Variants in MORN4 observed in about 807,000 individuals in gnomAD.
The protein encoded by MORN4 is MORN repeat-containing protein 4.
MORN4 carries 8 observed loss-of-function variants against 16.4 expected under a neutral mutation model. The ratio of observed to expected loss-of-function variants is 0.49; its 90% CI spans 0.29 to 0.88. The LOEUF is 0.88. Among genes scored for constraint, MORN4 ranks in the 40% least tolerant of loss-of-function variants. MORN4 has a pLI of 0.09. For missense variants in MORN4, 159 were observed against 182.9 expected (o/e 0.87, Z 0.75); for synonymous variants, 53 against 68.9 (o/e 0.77, Z 1.14).
chr10:97,627,153 T>G (rs2041355841), intron 1 of MORN4, among the ~76,000 whole-genome samples: 1 of 152,078 alleles, frequency 6.6e-6, no homozygotes, highest in African/African-American at 2.4e-5. Context: ...TTTTTTTGTT[T>G]TTTGTTTTTT....
chr10:97,624,973 G>A (rs929980912), intron 1 of MORN4, among the ~76,000 whole-genome samples: 5 of 152,150 alleles, frequency 3.3e-5, no homozygotes, highest in African/African-American at 7.2e-5. Flanking sequence ...GAATACAGGC[G>A]TGAGTCACCG....
chr10:97,630,091 A>AT lies in MORN4; in HGVS notation c.-31+3255dup, dbSNP rs1003110945. 1.9e-4 allele frequency among the ~76,000 whole-genome samples: 28 copies of AT among 150,676 alleles called. No homozygotes were observed. In the South Asian group the frequency reaches 2.7e-3, roughly 15 times the overall value. On this transcript the variant is annotated intron_variant, in intron 1 of 4. Coordinates refer to ENST00000307450, the MANE Select transcript of MORN4 (RefSeq NM_178832.4). ...AGGCGCCCGCCACCATGCCCAGCTA[A>AT]TTTTTTTTTGTATTTTTAGTGGAGA...
intron 1 of MORN4, among the ~76,000 whole-genome samples, chr10:97,631,861 C>T (rs989552837): frequency 1.3e-5 from 2 of 152,034 alleles, no homozygotes; most frequent in Non-Finnish European, 2.9e-5. Flanking sequence ...CTTGAGCCCA[C>T]AATTTGAGGC....
Position 97,633,430 on chromosome 10 carries a change from T to C in MORN4, c.-114A>G. On this transcript the variant is annotated 5_prime_UTR_variant, in exon 1 of 5. Transcript: ENST00000307450. The surrounding 1 kb of genome is among the most constrained non-coding windows in gnomAD (Gnocchi z 4.5). Reference sequence around the variant, plus strand: ...ACTTTTCCTCTGATGGGCTCCCGGCTGCCACCTTGCTCTCCGCCACCTCCA... The same window carrying C: ...ACTTTTCCTCTGATGGGCTCCCGGCCGCCACCTTGCTCTCCGCCACCTCCA... 1 of 1,289,880 alleles carries C rather than the reference T, an allele frequency of 7.8e-7. No homozygotes were observed. Among genetic ancestry groups the C allele is most frequent in the Non-Finnish European group, 1.0e-6 (1 of 988,906 alleles). 79.9% of individuals were successfully genotyped at this position (1,289,880 alleles called of 1,614,324 possible). A position where few individuals can be genotyped will look rare whatever the true frequency, so the allele number is the denominator to read the frequency against.
chr10:97,633,555 A>G, upstream of MORN4: 4 of 1,289,724 alleles, frequency 3.1e-6, no homozygotes, highest in Non-Finnish European at 2.0e-6. This position sits in a 1 kb window ranked among gnomAD's most constrained non-coding sequence, Gnocchi z 4.5. Context: ...GAGCAACGCC[A>G]CTCCGCATTG....
intron 1 of MORN4, among the ~76,000 whole-genome samples, chr10:97,621,311 A>G (rs974052656): frequency 2.0e-5 from 3 of 152,158 alleles, no homozygotes; most frequent in Admixed American, 6.5e-5. Flanking sequence ...GCTAACTTAA[A>G]GAGACCTTTG....
chr10:97,630,257 T>A (rs1292086738), intron 1 of MORN4, among the ~76,000 whole-genome samples: 1 of 151,872 alleles, frequency 6.6e-6, no homozygotes. Flanking sequence ...TTAGTAGAGA[T>A]GAGGTTTCAC....
At chr10:97,622,855 T>TTTTATTTA (rs1437178308) in intron 1 of MORN4, among the ~76,000 whole-genome samples, 4 of 110,564 alleles carry the variant, frequency 3.6e-5, no homozygotes, top group Non-Finnish European at 5.5e-5. Flanking sequence ...TCCCTTCATC[T>TTTTATTTA]TTCATTTATT....
At chr10:97,631,858 C>T (rs2041398529) in intron 1 of MORN4, among the ~76,000 whole-genome samples, 1 of 152,114 alleles carries the variant, frequency 6.6e-6, no homozygotes, top group Non-Finnish European at 1.5e-5. Context: ...TTGCTTGAGC[C>T]CACAATTTGA....
intron 1 of MORN4, among the ~76,000 whole-genome samples, chr10:97,627,163 T>G (rs1171585577): frequency 6.6e-6 from 1 of 152,074 alleles, no homozygotes. Flanking sequence ...TTTTGTTTTT[T>G]GAGACACTCT....
At chr10:97,628,540 T>C (rs937427700) in intron 1 of MORN4, among the ~76,000 whole-genome samples, 2 of 144,974 alleles carry the variant, frequency 1.4e-5, no homozygotes, top group Non-Finnish European at 3.0e-5. Context: ...TTTTCTTTCT[T>C]TTTTTTTTTT....
chr10:97,616,647 A>G, intron 4 of MORN4, 31 bp downstream of exon 4: 1 of 1,544,062 alleles, frequency 6.5e-7, no homozygotes, highest in Non-Finnish European at 9.0e-7. Context: ...ATGCCCACCT[A>G]AGTCAGCCAT....
chr10:97,620,591 G>C (rs7895793), intron 1 of MORN4, among the ~76,000 whole-genome samples: 2,008 of 151,828 alleles, frequency 0.013, 41 homozygotes, highest in African/African-American at 0.046. Flanking sequence ...ATGTTCCATG[G>C]CAAAATAAGA....
chr10:97,623,785 G>T (rs1466218251), intron 1 of MORN4, among the ~76,000 whole-genome samples: 1 of 151,292 alleles, frequency 6.6e-6, no homozygotes, highest in Non-Finnish European at 1.5e-5. Context: ...GCCCAGGCTG[G>T]AGTGCAGTGG....
Position 97,619,648 on chromosome 10 carries a change from G to A in MORN4, c.6C>T (p.Thr2=), listed in dbSNP as rs775561482. The A allele has an allele frequency of 7.4e-6, 12 of 1,613,988 alleles. No individual in the cohort carries two copies. Among genetic ancestry groups the A allele is most frequent in the Admixed American group, 1.7e-5 (1 of 60,010 alleles). ...AGTAGGTGAAGGAACCTTTTGTCAG[G>A]GTCATGGTGACAGATTACAGGATAA... M[T]LTKGSFTYSS... is the part of the protein sequence containing the mutation. Residue 2 remains threonine (T), a synonymous_variant, in exon 2 of 5, where the codon ACC becomes ACT. Transcript: ENST00000307450.
intron 1 of MORN4, among the ~76,000 whole-genome samples, chr10:97,632,703 ATT>A (rs552637866): frequency 4.9e-5 from 7 of 143,272 alleles, no homozygotes; most frequent in Admixed American, 1.4e-4. Flanking sequence ...CGCCAAAAAG[ATT>A]TTTTTTTTTT....
At chr10:97,617,992 T>G (rs113089993) in intron 2 of MORN4, among the ~76,000 whole-genome samples, 2 of 151,834 alleles carry the variant, frequency 1.3e-5, no homozygotes, top group Non-Finnish European at 2.9e-5. Flanking sequence ...CTGGCTAACA[T>G]GGTGAAACCC....
intron 1 of MORN4, among the ~76,000 whole-genome samples, chr10:97,623,636 A>G (rs1040155613): frequency 6.6e-6 from 1 of 151,986 alleles, no homozygotes; most frequent in Non-Finnish European, 1.5e-5. Flanking sequence ...TTGAACTCCT[A>G]GGTTCAAGAG....
rs561452788 is a variant in MORN4, at chr10:97,623,637, GGTTCAAGAGAT to G, written c.-30-3965_-30-3955del. 4.1e-4 allele frequency among the ~76,000 whole-genome samples: 62 copies of G among 152,170 alleles called. No individual in the cohort carries two copies. In the East Asian group the frequency reaches 9.1e-3, roughly 22 times the overall value. On this transcript the variant is annotated intron_variant, in intron 1 of 4. Transcript: ENST00000307450. ...TACCCAGGCTGGACTTGAACTCCTAGGTTCAAGAGATCCTCCAATCCCCTCTTAGACTTCTG... is the reference window on the plus strand; with the variant it reads ...TACCCAGGCTGGACTTGAACTCCTAGCCTCCAATCCCCTCTTAGACTTCTG...
Sources: gnomAD v4.1 joint callset for allele counts (sites outside exome capture counted in the v4.1 genomes callset) on GRCh38, gnomAD v4.1.1 for gene constraint, Gnocchi (gnomAD v3.1) non-coding constraint, MANE v1.5 for transcripts, NCBI Gene and HGNC (gene_info 2026-07-23, HGNC 2026-07-21) for gene names.